The following CELF2 variants were observed in gnomAD, a reference collection of about 807,000 sequenced individuals.
CELF2 encodes the protein CUG triplet repeat RNA-binding protein 2.
A neutral mutation model predicts 62.6 loss-of-function variants in CELF2; 8 were observed. The ratio of observed to expected loss-of-function variants is 0.13; its 90% CI spans 0.07 to 0.23. CELF2 has a LOEUF of 0.23. Ranked by LOEUF, CELF2 falls within the 10% of genes least tolerant of loss-of-function variation. CELF2 has a pLI of 1.00. For synonymous variants in CELF2, 258 were observed against 250.0 expected (o/e 1.03, Z -0.30); for missense variants, 333 against 671.0 (o/e 0.50, Z 5.56).
the CELF2 span, among the ~76,000 whole-genome samples, chr10:10,713,010 C>G: frequency 1.3e-5 from 2 of 152,216 alleles, no homozygotes; most frequent in African/African-American, 4.8e-5. Flanking sequence ...GCCCTTACCT[C>G]CACCATCCTT....
In CELF2 at chr10:11,270,609, G is replaced by A; in HGVS notation, c.619-57G>A. 1.2e-5 allele frequency: 16 copies of A among 1,357,018 alleles called. No homozygotes were observed. Among genetic ancestry groups the A allele is most frequent in the South Asian group, 2.1e-5 (1 of 48,072 alleles). The allele number at this position is 1,357,018 out of a possible 1,614,324, so 84.1% of individuals were successfully genotyped here. A position where few individuals can be genotyped will look rare whatever the true frequency, so the allele number is the denominator to read the frequency against. ...AGGTAGCTCCGGTGCTGAGTGTCGT[G>A]AGCGGATTCCGCCAGCCTGTAACCC... On this transcript the variant is annotated intron_variant, in intron 6 of 12. Coordinates refer to ENST00000633077, the MANE Select transcript of CELF2 (RefSeq NM_001326342.2). This position sits in a 1 kb window ranked among gnomAD's most constrained non-coding sequence, Gnocchi z 5.8.
intron 1 of CELF2, among the ~76,000 whole-genome samples, chr10:10,911,705 G>A (rs2063827964): frequency 6.6e-6 from 1 of 152,252 alleles, no homozygotes; most frequent in South Asian, 2.1e-4. Context: ...GTGATTTAAA[G>A]AGTAACTCCG....
chr10:10,645,260 G>A, the CELF2 span, among the ~76,000 whole-genome samples: 4 of 152,270 alleles, frequency 2.6e-5, no homozygotes, highest in Middle Eastern at 3.4e-3. Context: ...GGGCTGGCTG[G>A]ATTGTTGGCA....
chr10:10,899,295 A>G (rs920595503), intron 1 of CELF2, among the ~76,000 whole-genome samples: 1 of 152,244 alleles, frequency 6.6e-6, no homozygotes, highest in Non-Finnish European at 1.5e-5. Context: ...TGATTCTTTG[A>G]GAATATTGAT....
At chr10:10,584,023 A>G in the CELF2 span, among the ~76,000 whole-genome samples, 1 of 152,158 alleles carries the variant, frequency 6.6e-6, no homozygotes, top group Non-Finnish European at 1.5e-5. Context: ...GTAGGGGGCT[A>G]AGGCTGTCTA....
At chr10:11,024,417 A>G (rs906630569) in intron 1 of CELF2, among the ~76,000 whole-genome samples, 3 of 152,212 alleles carry the variant, frequency 2.0e-5, no homozygotes, top group Non-Finnish European at 2.9e-5. Flanking sequence ...CCTGGCCAAC[A>G]TGGCAAAACC....
At chr10:11,154,816 A>T (rs926055695) in intron 1 of CELF2, among the ~76,000 whole-genome samples, 2 of 152,184 alleles carry the variant, frequency 1.3e-5, no homozygotes, top group Admixed American at 1.3e-4. Context: ...CCCAAAAGGG[A>T]ACAACTCATT....
At chr10:10,745,187 T>C in the CELF2 span, among the ~76,000 whole-genome samples, 2 of 151,852 alleles carry the variant, frequency 1.3e-5, no homozygotes, top group African/African-American at 4.8e-5. Context: ...GCCTGTTTCA[T>C]GGACATGGCC....
chr10:11,065,066 A>ATCAAGCAGT (rs1287732398), intron 1 of CELF2, among the ~76,000 whole-genome samples: 2 of 152,196 alleles, frequency 1.3e-5, no homozygotes, highest in Non-Finnish European at 2.9e-5. Flanking sequence ...TATCAAAGCA[A>ATCAAGCAGT]TCAAGCAGTT....
chr10:11,070,910 A>G (rs2069739372), intron 1 of CELF2, among the ~76,000 whole-genome samples: 1 of 152,198 alleles, frequency 6.6e-6, no homozygotes, highest in Non-Finnish European at 1.5e-5. Context: ...AGATACTCCA[A>G]TAAAGTGATG....
chr10:10,792,051 A>AAGGAAGGAGGGAGAGAGGG, the CELF2 span, among the ~76,000 whole-genome samples: 2 of 135,488 alleles, frequency 1.5e-5, no homozygotes, highest in African/African-American at 5.4e-5. Flanking sequence ...GAGAGGGAGG[A>AAGGAAGGAGGGAGAGAGGG]AGGAAGGAAG....
chr10:10,583,833 T>C, the CELF2 span, among the ~76,000 whole-genome samples: 2 of 152,096 alleles, frequency 1.3e-5, no homozygotes, highest in African/African-American at 4.8e-5. Flanking sequence ...TAAGGAAAGA[T>C]GAGGGTGTAA....
At chr10:10,528,353 G>A in the CELF2 span, among the ~76,000 whole-genome samples, 9 of 152,158 alleles carry the variant, frequency 5.9e-5, no homozygotes, top group Non-Finnish European at 7.3e-5. Context: ...AGACACCTTG[G>A]CCTTCTTCAC....
chr10:11,147,144 T>C (rs1005674949), intron 1 of CELF2, among the ~76,000 whole-genome samples: 1 of 152,136 alleles, frequency 6.6e-6, no homozygotes, highest in Non-Finnish European at 1.5e-5. Context: ...TCTGCTTGAG[T>C]GTGCCAGGAT....
At chr10:10,685,022 G>T in the CELF2 span, among the ~76,000 whole-genome samples, 1 of 152,004 alleles carries the variant, frequency 6.6e-6, no homozygotes, top group Admixed American at 6.6e-5. Context: ...AACAACCACC[G>T]GAGACCAAAA....
intron 2 of CELF2, among the ~76,000 whole-genome samples, chr10:10,982,997 C>T (rs2025281): frequency 1.3e-5 from 2 of 151,994 alleles, no homozygotes; most frequent in African/African-American, 4.8e-5. Context: ...TCAAGATATG[C>T]TGAATGAGCC....
At chr10:10,695,183 C>T in the CELF2 span, among the ~76,000 whole-genome samples, 6 of 147,948 alleles carry the variant, frequency 4.1e-5, no homozygotes, top group East Asian at 5.9e-4. Flanking sequence ...CCTTCAGGAG[C>T]TCTTTTAGGG....
chr10:10,607,340 C>A, the CELF2 span, among the ~76,000 whole-genome samples: 756 of 152,282 alleles, frequency 5.0e-3, 7 homozygotes, highest in African/African-American at 0.017. Context: ...GCAAAATGAG[C>A]TACCTGACAG....
At chr10:10,919,902 C>T (rs1479255631) in intron 1 of CELF2, 4 of 1,070,064 alleles carry the variant, frequency 3.7e-6, no homozygotes, top group Non-Finnish European at 4.8e-6. Flanking sequence ...TGATTAAATA[C>T]ATTTTCATAA....
Sources: allele counts gnomAD v4.1 joint callset (sites outside exome capture counted in the v4.1 genomes callset), GRCh38; gene constraint gnomAD v4.1.1; non-coding constraint Gnocchi (gnomAD v3.1); transcripts MANE v1.5; gene names NCBI Gene and HGNC (gene_info 2026-07-23, HGNC 2026-07-21).